The following DPP10 variants were observed in gnomAD, a reference collection of about 807,000 sequenced individuals.
DPP10 encodes the protein dipeptidyl peptidase like 10, also known as inactive dipeptidyl peptidase 10.
Under a neutral mutation model 120.9 loss-of-function variants are expected in DPP10, and 33 were observed. The ratio of observed to expected loss-of-function variants is 0.27; its 90% CI spans 0.21 to 0.37. The LOEUF (loss-of-function observed/expected upper bound fraction) is 0.37. DPP10 is among the 10% of genes least tolerant of loss of function. The probability of loss-of-function intolerance (pLI) is 1.00; values close to 1 mark genes in which losing one functional copy is unlikely to be tolerated. For synonymous variants in DPP10, 337 were observed against 326.1 expected, an observed-to-expected ratio of 1.03 and a Z score of -0.36; for missense variants, 816 against 942.8, an observed-to-expected ratio of 0.87 and a Z score of 1.76.
intron 1 of DPP10, among the ~76,000 whole-genome samples, chr2:115,005,843 T>A (rs955691828): frequency 1.3e-5 from 2 of 152,058 alleles, no homozygotes; most frequent in Non-Finnish European, 2.9e-5. Context: ...CAGGCCAACA[T>A]TCAGATTCAG....
chr2:115,801,108 C>T (rs1181896021), intron 19 of DPP10, among the ~76,000 whole-genome samples: 9 of 152,136 alleles, frequency 5.9e-5, no homozygotes, highest in Admixed American at 5.9e-4. Context: ...TCTTTTATTT[C>T]CTTGAGCAGT....
chr2:115,718,248 T>A (rs1157508595), intron 7 of DPP10, among the ~76,000 whole-genome samples: 1 of 152,116 alleles, frequency 6.6e-6, no homozygotes, highest in African/African-American at 2.4e-5. Context: ...TGAACTGATT[T>A]TGGTTGATTT....
chr2:115,621,667 T>C (rs933993158), intron 5 of DPP10, among the ~76,000 whole-genome samples: 2 of 152,142 alleles, frequency 1.3e-5, no homozygotes, highest in African/African-American at 4.8e-5. Flanking sequence ...AAAAATTCTA[T>C]GTATTTTTGG....
At chr2:114,982,489 C>A (rs947417596) in intron 1 of DPP10, among the ~76,000 whole-genome samples, 5 of 152,170 alleles carry the variant, frequency 3.3e-5, no homozygotes, top group African/African-American at 1.2e-4. Flanking sequence ...TGTCATGAAA[C>A]AATGACTAAT....
intron 21 of DPP10, among the ~76,000 whole-genome samples, chr2:115,823,675 T>C (rs775619129): frequency 1.3e-5 from 2 of 152,228 alleles, no homozygotes; most frequent in Non-Finnish European, 2.9e-5. Flanking sequence ...CACCAACTTA[T>C]ATTTGTGTTT....
At chr2:115,253,488 C>T (rs775968382) in intron 1 of DPP10, among the ~76,000 whole-genome samples, 8 of 152,124 alleles carry the variant, frequency 5.3e-5, no homozygotes, top group Non-Finnish European at 7.3e-5. Flanking sequence ...GAGTCCCTTA[C>T]ACCTATGAGC....
At chr2:115,140,628 A>G (rs1239323458) in intron 1 of DPP10, among the ~76,000 whole-genome samples, 1 of 152,220 alleles carries the variant, frequency 6.6e-6, no homozygotes, top group Non-Finnish European at 1.5e-5. Context: ...AAGGGTGCTA[A>G]GAGTTTGGAC....
At chr2:115,126,968 T>A (rs1201647281) in intron 1 of DPP10, among the ~76,000 whole-genome samples, 1 of 152,210 alleles carries the variant, frequency 6.6e-6, no homozygotes, top group African/African-American at 2.4e-5. Context: ...CTATAGACTT[T>A]CCAAACAACT....
intron 1 of DPP10, among the ~76,000 whole-genome samples, chr2:114,997,631 C>T (rs11884339): frequency 0.017 from 2,591 of 151,858 alleles, 70 homozygotes; most frequent in African/African-American, 0.06. Context: ...TTTGCTGAAA[C>T]GGTGAATCAA....
rs186213564 is a variant in DPP10, at chr2:114,886,125, G to A, written c.61-423114G>A. Among the ~76,000 whole-genome samples the A allele has an allele frequency of 4.4e-3, 665 of 152,140 alleles. 11 individuals carry two copies. The highest frequency in any genetic ancestry group is 3.1e-3 in the Non-Finnish European group (213 of 67,990). The stretch of plus-strand genomic sequence containing the variant: ...GACAAATTTAAAACAACACTGAGGG[G>A]AGATGAAATAACATTGCTGGAAGAA... On this transcript the variant is annotated intron_variant, in intron 1 of 25. Coordinates refer to ENST00000410059, the MANE Select transcript of DPP10 (RefSeq NM_020868.6).
chr2:115,758,403 G>A (rs1026079207), intron 11 of DPP10, among the ~76,000 whole-genome samples: 4 of 151,996 alleles, frequency 2.6e-5, no homozygotes, highest in Non-Finnish European at 5.9e-5. Flanking sequence ...CAAATATTGT[G>A]AAATACCCCA....
chr2:115,578,394 C>T (rs2081812880), intron 5 of DPP10, among the ~76,000 whole-genome samples: 1 of 152,052 alleles, frequency 6.6e-6, no homozygotes, highest in Non-Finnish European at 1.5e-5. Flanking sequence ...AACCCCCCAC[C>T]CCTCCAACTG....
intron 1 of DPP10, among the ~76,000 whole-genome samples, chr2:115,210,401 T>C (rs1470614274): frequency 6.6e-6 from 1 of 152,222 alleles, no homozygotes; most frequent in Admixed American, 6.5e-5. Context: ...GTGCCACATT[T>C]TCTTTATCCA....
At chr2:115,162,263 G>A in intron 1 of DPP10, 7 of 1,557,934 alleles carry the variant, frequency 4.5e-6, no homozygotes, top group Non-Finnish European at 5.2e-6. Context: ...GCGGGGAAGG[G>A]GGCAGAGAGG....
At chr2:115,277,726 A>G (rs2059978495) in intron 1 of DPP10, among the ~76,000 whole-genome samples, 1 of 152,052 alleles carries the variant, frequency 6.6e-6, no homozygotes, top group Non-Finnish European at 1.5e-5. Flanking sequence ...AGTTTATGAC[A>G]GTATTTCTTT....
intron 5 of DPP10, among the ~76,000 whole-genome samples, chr2:115,586,439 T>C (rs906769518): frequency 1.3e-5 from 2 of 152,238 alleles, no homozygotes; most frequent in Admixed American, 1.3e-4. Context: ...CATATTTGGC[T>C]ACATACTTTG....
chr2:115,188,109 C>T (rs1483962305), intron 1 of DPP10, among the ~76,000 whole-genome samples: 12 of 151,244 alleles, frequency 7.9e-5, no homozygotes, highest in Admixed American at 7.9e-4. Context: ...GAAGAGAAAT[C>T]TCAGGAGAGA....
chr2:114,774,211 A>G (rs1488310976), intron 1 of DPP10, among the ~76,000 whole-genome samples: 2 of 152,110 alleles, frequency 1.3e-5, no homozygotes, highest in African/African-American at 2.4e-5. Flanking sequence ...CTCATACTTT[A>G]TAGTGATTTA....
chr2:115,579,982 C>G (rs993871930), intron 5 of DPP10: 1 of 152,164 alleles, frequency 6.6e-6, no homozygotes, highest in Non-Finnish European at 1.5e-5. Context: ...CCCCACTCCA[C>G]CCCCTGGCAG....
Sources: allele counts gnomAD v4.1 joint callset (sites outside exome capture counted in the v4.1 genomes callset), GRCh38; gene constraint gnomAD v4.1.1; transcripts MANE v1.5; gene names NCBI Gene and HGNC (gene_info 2026-07-23, HGNC 2026-07-21).